The following SCN2A variants were observed in gnomAD, a reference collection of about 807,000 sequenced individuals.
The protein encoded by SCN2A is sodium channel protein type 2 subunit alpha.
A neutral mutation model predicts 188.7 loss-of-function variants in SCN2A; 20 were observed. That is an observed-to-expected ratio of 0.11 (90% CI 0.07 to 0.15). The LOEUF is 0.15. SCN2A is among the 10% of genes least tolerant of loss of function. The probability of loss-of-function intolerance (pLI) is 1.00; values close to 1 mark genes in which losing one functional copy is unlikely to be tolerated. For missense variants in SCN2A, 1,278 were observed against 2,445.0 expected (o/e 0.52, Z 10.07); for synonymous variants, 804 against 833.1 (o/e 0.97, Z 0.60).
At position 165,347,157 on chromosome 2, in the gene SCN2A, G is replaced by A. The variant is rs192474650; in HGVS notation, c.2919+2246G>A. On this transcript the variant is annotated intron_variant, in intron 16 of 26. Transcript: ENST00000375437. ...TGCATGCACACGTATGCTTATTGCA[G>A]CACTATTCATAATAGCAAAGATTTG... Among the ~76,000 whole-genome samples, 19 of 152,250 alleles carry A rather than the reference G, an allele frequency of 1.2e-4. No individual in the cohort carries two copies. In the East Asian group the frequency reaches 3.7e-3, roughly 29 times the overall value.
rs200108863 is a variant in SCN2A at position 165,280,341 on chromosome 2, G to GA, written c.-51-15426dup. ...CACTAGCGATAGAGTAAAAAGAAAAGAAAAAACTCTTGTTCTCATTAGTAA... is the reference window on the plus strand; with the variant it reads ...CACTAGCGATAGAGTAAAAAGAAAAGAAAAAAACTCTTGTTCTCATTAGTAA... On this transcript the variant is annotated intron_variant, in intron 1 of 26. Coordinates refer to ENST00000375437, the MANE Select transcript of SCN2A (RefSeq NM_001040142.2). 6.4e-3 allele frequency among the ~76,000 whole-genome samples: 967 copies of GA among 152,172 alleles called. 17 individuals are homozygous for GA. The highest frequency in any genetic ancestry group is 0.021 in the African/African-American group (881 of 41,530).
At chr2:165,372,910 C>A in intron 20 of SCN2A, 1 of 250,948 alleles carries the variant, frequency 4.0e-6, no homozygotes, top group African/African-American at 2.3e-5. Context: ...TCTTTTTTTT[C>A]TTTACTTTTA....
chr2:165,327,143 T>A, intron 13 of SCN2A, 159 bp downstream of exon 13: 1 of 906,306 alleles, frequency 1.1e-6, no homozygotes, highest in Non-Finnish European at 1.6e-6. Flanking sequence ...TGGATTCTAT[T>A]ATCTTCCACA....
intron 12 of SCN2A, among the ~76,000 whole-genome samples, chr2:165,325,314 T>G (rs1698296980): frequency 6.6e-6 from 1 of 152,192 alleles, no homozygotes; most frequent in Admixed American, 6.5e-5. Context: ...ATTTCCTGCT[T>G]CCTCAACTTC....
At chr2:165,366,867 A>AC (rs1173498032) in intron 18 of SCN2A, among the ~76,000 whole-genome samples, 2 of 152,190 alleles carry the variant, frequency 1.3e-5, no homozygotes, top group African/African-American at 4.8e-5. Flanking sequence ...TCAAATATGT[A>AC]AAGTGTCCAT....
At chr2:165,308,868 T>G in intron 5 of SCN2A, 74 bp downstream of exon 5, 1 of 1,572,594 alleles carries the variant, frequency 6.4e-7, no homozygotes, top group Non-Finnish European at 8.7e-7. Context: ...TTTTCCTTGG[T>G]GGCTTGCCTT....
chr2:165,277,812 C>T (rs353115), intron 1 of SCN2A, among the ~76,000 whole-genome samples: 41,603 of 152,036 alleles, frequency 0.27, 6,090 homozygotes, highest in South Asian at 0.32. Context: ...TCACCCCCAG[C>T]CTCTTTTCAA....
intron 18 of SCN2A, 132 bp from the exon 19 acceptor site, chr2:165,367,085 G>A (rs541670632): frequency 7.7e-5 from 63 of 813,554 alleles, no homozygotes; most frequent in South Asian, 3.8e-4. Flanking sequence ...TTTTGTAAGC[G>A]GAAGCTATCT....
At chr2:165,346,580 G>T (rs2105322446) in intron 16 of SCN2A, among the ~76,000 whole-genome samples, 1 of 152,178 alleles carries the variant, frequency 6.6e-6, no homozygotes, top group Admixed American at 6.5e-5. Context: ...CAAAAGCAAT[G>T]GTAACAAAAG....
intron 20 of SCN2A, 72 bp downstream of exon 20, chr2:165,370,371 A>G (rs1700962375): frequency 7.0e-7 from 1 of 1,430,082 alleles, no homozygotes; most frequent in Non-Finnish European, 9.9e-7. Flanking sequence ...TGCCTGACAC[A>G]GTGTAGGCAC....
chr2:165,259,124 A>G (rs1278103286), intron 1 of SCN2A, among the ~76,000 whole-genome samples: 1 of 152,252 alleles, frequency 6.6e-6, no homozygotes, highest in Non-Finnish European at 1.5e-5. Flanking sequence ...ACTATAGTTT[A>G]TTAAGTATGT....
intron 1 of SCN2A, among the ~76,000 whole-genome samples, chr2:165,293,552 G>A (rs1001003659): frequency 9.9e-5 from 15 of 152,088 alleles, no homozygotes; most frequent in African/African-American, 3.6e-4. Flanking sequence ...ACATAGACAA[G>A]GTACAGTAAA....
intron 1 of SCN2A, among the ~76,000 whole-genome samples, chr2:165,280,530 T>C (rs10209034): frequency 0.15 from 22,546 of 152,192 alleles, 1,866 homozygotes; most frequent in Middle Eastern, 0.21. Flanking sequence ...TTTTTCCACT[T>C]CAGCACCAAG....
At chr2:165,353,960 G>T (rs529984697) in intron 16 of SCN2A, among the ~76,000 whole-genome samples, 112 of 152,200 alleles carry the variant, frequency 7.4e-4, no homozygotes, top group Non-Finnish European at 9.6e-4. Flanking sequence ...ATTTAGCAAT[G>T]ATTTCAGTAT....
At chr2:165,281,670 T>C (rs1196592997) in intron 1 of SCN2A, among the ~76,000 whole-genome samples, 14 of 152,070 alleles carry the variant, frequency 9.2e-5, no homozygotes, top group Non-Finnish European at 1.9e-4. Context: ...GACTCGACTG[T>C]TTTTGCGTTT....
intron 1 of SCN2A, chr2:165,293,903 T>C: frequency 1.0e-6 from 1 of 982,522 alleles, no homozygotes; most frequent in Non-Finnish European, 1.2e-6. Context: ...CCTCTAGTGG[T>C]AGTTACAATA....
At chr2:165,345,018 C>A in intron 16 of SCN2A, 107 bp downstream of exon 16, 1 of 1,347,706 alleles carries the variant, frequency 7.4e-7, no homozygotes, top group Non-Finnish European at 1.0e-6. Context: ...AGGCCACTTC[C>A]TATTGTCTAT....
At position 165,367,255 on chromosome 2, in the gene SCN2A, G is replaced by A; in HGVS notation, c.3559G>A (p.Glu1187Lys). Residue 1187 changes from glutamate to lysine, a missense_variant, in exon 19 of 27, where the codon GAA becomes AAA. Coordinates refer to ENST00000375437, the MANE Select transcript of SCN2A (RefSeq NM_001040142.2). Reference protein sequence around the residue: ...RKFKCCQISIEEGKGKLWWNL... With the variant: ...RKFKCCQISIKEGKGKLWWNL... ...GTTCAAGTGTTGTCAGATAAGCATA[G>A]AAGAAGGCAAAGGGAAACTCTGGTG... 6.2e-7 allele frequency: 1 copy of A among 1,614,064 alleles called. No individual in the cohort carries two copies. Among genetic ancestry groups the A allele is most frequent in the Non-Finnish European group, 8.5e-7 (1 of 1,179,996 alleles).
intron 1 of SCN2A, among the ~76,000 whole-genome samples, chr2:165,277,586 T>A (rs1292938408): frequency 6.6e-6 from 1 of 152,210 alleles, no homozygotes; most frequent in Non-Finnish European, 1.5e-5. Flanking sequence ...CATTTCTCTT[T>A]AGGCATTTAT....
Sources: gnomAD v4.1 joint callset for allele counts (sites outside exome capture counted in the v4.1 genomes callset) on GRCh38, gnomAD v4.1.1 for gene constraint, MANE v1.5 for transcripts, NCBI Gene and HGNC (gene_info 2026-07-23, HGNC 2026-07-21) for gene names.